Variants in ACP7 observed in about 807,000 individuals in gnomAD.
ACP7 encodes the protein acid phosphatase type 7.
ACP7 carries 58 observed loss-of-function variants against 60.6 expected under a neutral mutation model. That is an observed-to-expected ratio of 0.96 (90% confidence interval 0.77 to 1.19). ACP7 has a LOEUF of 1.19. ACP7 is among the 50% of genes most tolerant of loss of function. The pLI, the probability that ACP7 is intolerant of heterozygous loss-of-function variation, is 0.00. For missense variants in ACP7, 574 were observed against 596.2 expected, an observed-to-expected ratio of 0.96 and a Z score of 0.39; for synonymous variants, 237 against 232.6, an observed-to-expected ratio of 1.02 and a Z score of -0.17.
At chr19:39,102,739 C>CTTTA (rs1317052824) in intron 11 of ACP7, among the ~76,000 whole-genome samples, 1 of 82,184 alleles carries the variant, frequency 1.2e-5, no homozygotes, top group Non-Finnish European at 2.5e-5. Context: ...TTCTTTCTTT[C>CTTTA]TTTCTTTCTT....
intron 11 of ACP7, among the ~76,000 whole-genome samples, chr19:39,106,245 G>C (rs2073409641): frequency 6.6e-6 from 1 of 152,202 alleles, no homozygotes; most frequent in Non-Finnish European, 1.5e-5. Context: ...TTCAGATCCA[G>C]TGATTTCTCT....
chr19:39,098,038 G>A (rs755080002), intron 2 of ACP7, among the ~76,000 whole-genome samples: 27 of 152,038 alleles, frequency 1.8e-4, no homozygotes, highest in Admixed American at 9.8e-4. Context: ...ATCACCTGAG[G>A]TCAGTAGTTC....
At chr19:39,086,972 G>A (rs116187904) in intron 2 of ACP7, among the ~76,000 whole-genome samples, 7,456 of 152,138 alleles carry the variant, frequency 0.049, 435 homozygotes, top group African/African-American at 0.14. Flanking sequence ...ATTGAGTGAG[G>A]AAAGTGGCAT....
chr19:39,110,118 G>C lies in ACP7; in HGVS notation c.1317G>C (p.Ter439TyrextTer33). Reference sequence around the variant, plus strand: ...TGTTTGGCCGGAGGATGTACCTCTAGGGATGGCGGCAGCTCTCCTCCAGAA... The same window carrying C: ...TGTTTGGCCGGAGGATGTACCTCTACGGATGGCGGCAGCTCTCCTCCAGAA... ...RPLFGRRMYL* is the reference protein window; with the variant it reads ...RPLFGRRMYLY The change falls in exon 13 of 13, where the codon TAG (stop) becomes TAC (tyrosine). Residue 439 changes from the stop codon to tyrosine, a stop_lost. Coordinates refer to ENST00000331256, the MANE Select transcript of ACP7 (RefSeq NM_001004318.3). 6.2e-7 allele frequency: 1 copy of C among 1,612,960 alleles called. No individual in the cohort carries two copies. The highest frequency in any genetic ancestry group is 1.1e-5 in the South Asian group (1 of 91,056).
At chr19:39,101,692 C>T (rs11083505) in intron 11 of ACP7, among the ~76,000 whole-genome samples, 155 bp downstream of exon 11, 30,864 of 152,072 alleles carry the variant, frequency 0.2, 3,908 homozygotes, top group East Asian at 0.39. Flanking sequence ...GTTCATTGGA[C>T]GGATGTAGGA....
At chr19:39,109,709 A>AC (rs1385591438) in intron 12 of ACP7, among the ~76,000 whole-genome samples, 5 of 142,948 alleles carry the variant, frequency 3.5e-5, no homozygotes, top group Non-Finnish European at 7.7e-5. Context: ...AAAAAAAAAA[A>AC]GGAGAGAGAG....
At chr19:39,091,164 CTTT>C (rs111230201) in intron 2 of ACP7, among the ~76,000 whole-genome samples, 4 of 139,634 alleles carry the variant, frequency 2.9e-5, no homozygotes, top group Non-Finnish European at 6.3e-5. Context: ...TCTTTTCTTT[CTTT>C]TTTTTTTTTT....
chr19:39,093,655 G>T (rs2073235613), intron 2 of ACP7, among the ~76,000 whole-genome samples: 1 of 152,152 alleles, frequency 6.6e-6, no homozygotes, highest in South Asian at 2.1e-4. Context: ...CTCCCAAAGT[G>T]CTGGGATTAC....
chr19:39,102,118 T>TCACACACACA (rs755325181), intron 11 of ACP7, among the ~76,000 whole-genome samples: 2,863 of 132,894 alleles, frequency 0.022, 136 homozygotes, highest in African/African-American at 0.077. Flanking sequence ...AGACCCTTTC[T>TCACACACACA]CTCACACACA....
At chr19:39,102,487 G>A (rs114256671) in intron 11 of ACP7, among the ~76,000 whole-genome samples, 25 of 151,802 alleles carry the variant, frequency 1.6e-4, no homozygotes, top group African/African-American at 6.0e-4. Flanking sequence ...GAGATTTCCG[G>A]CTAATTTTTG....
chr19:39,087,636 T>G (rs1216819891), intron 2 of ACP7, among the ~76,000 whole-genome samples: 6 of 150,644 alleles, frequency 4.0e-5, no homozygotes, highest in South Asian at 2.1e-4. Context: ...AATTTTGTTT[T>G]TTTTTTTTTT....
intron 2 of ACP7, among the ~76,000 whole-genome samples, chr19:39,092,250 T>G (rs1033063962): frequency 6.6e-6 from 1 of 152,114 alleles, no homozygotes. Context: ...GGCAGATGCC[T>G]GTAATCCCAG....
At chr19:39,098,897 TG>T in intron 3 of ACP7, 62 bp from the exon 4 acceptor site, 1 of 1,010,568 alleles carries the variant, frequency 9.9e-7, no homozygotes. Context: ...CGGGGAAGGA[TG>T]GGGTTGGAGG....
chr19:39,092,717 C>T (rs892290358), intron 2 of ACP7, among the ~76,000 whole-genome samples: 5 of 150,996 alleles, frequency 3.3e-5, no homozygotes, highest in African/African-American at 1.2e-4. Context: ...TACGAAAAGC[C>T]TGACTCAGAC....
chr19:39,087,362 G>C (rs2073154511), intron 2 of ACP7, among the ~76,000 whole-genome samples: 1 of 152,152 alleles, frequency 6.6e-6, no homozygotes. Context: ...ATTCTCCTCA[G>C]ATCTGTTTTC....
intron 11 of ACP7, among the ~76,000 whole-genome samples, chr19:39,104,777 C>A (rs1039880570): frequency 6.6e-6 from 1 of 151,968 alleles, no homozygotes; most frequent in Non-Finnish European, 1.5e-5. Context: ...CCCAGCTACT[C>A]AGGAGGGTGA....
At chr19:39,090,601 T>C (rs1215810007) in intron 2 of ACP7, among the ~76,000 whole-genome samples, 1 of 151,998 alleles carries the variant, frequency 6.6e-6, no homozygotes, top group African/African-American at 2.4e-5. Flanking sequence ...TCATCACTTC[T>C]GCCTCTTGAG....
rs151134063 is a variant in ACP7, at chr19:39,107,075, G to A, written c.1242G>A (p.Ser414=). 110 of 1,613,886 alleles carry A rather than the reference G, an allele frequency of 6.8e-5. No individual in the cohort carries two copies. In the African/African-American group the frequency reaches 1.1e-3, roughly 16 times the overall value. ...CCCACATCCACATCCAGCAGGTGTC[G>A]GACGACCAGGTCAGTGAGGGGCAGG... ...NGTHIHIQQV[S]DDQDGKIVDD... The change falls in exon 12 of 13, where the codon TCG becomes TCA. Residue 414 remains serine (S), a synonymous_variant. Transcript: ENST00000331256.
At chr19:39,103,606 C>T (rs2073381923) in intron 11 of ACP7, among the ~76,000 whole-genome samples, 1 of 152,048 alleles carries the variant, frequency 6.6e-6, no homozygotes, top group Admixed American at 6.6e-5. Flanking sequence ...GCAGGCAGGT[C>T]ACTTGAGGTC....
Sources: gnomAD v4.1 joint callset for allele counts (sites outside exome capture counted in the v4.1 genomes callset) on GRCh38, gnomAD v4.1.1 for gene constraint, MANE v1.5 for transcripts, NCBI Gene and HGNC (gene_info 2026-07-23, HGNC 2026-07-21) for gene names.